VPS13B: variants seen among roughly 807,000 people sequenced by gnomAD.
VPS13B encodes vacuolar protein sorting 13 homolog B, also known as intermembrane lipid transfer protein VPS13B.
A neutral mutation model predicts 426.4 loss-of-function variants in VPS13B; 285 were observed. That is an observed-to-expected ratio of 0.67 (90% CI 0.61 to 0.74). The LOEUF is 0.74. VPS13B is among the 30% of genes least tolerant of loss of function. The pLI, the probability that VPS13B is intolerant of heterozygous loss-of-function variation, is 0.00. For missense variants in VPS13B, 4,537 were observed against 4,782.6 expected, an observed-to-expected ratio of 0.95 and a Z score of 1.51; for synonymous variants, 1,676 against 1,676.4, an observed-to-expected ratio of 1.00 and a Z score of 0.01.
At chr8:99,798,912 G>A (rs878990201) in intron 43 of VPS13B, 1 of 152,088 alleles carries the variant, frequency 6.6e-6, no homozygotes, top group South Asian at 2.1e-4. Context: ...TTAAAGCATG[G>A]TATTTTGCCA....
At chr8:99,418,910 C>T (rs1196329907) in intron 21 of VPS13B, among the ~76,000 whole-genome samples, 4 of 152,210 alleles carry the variant, frequency 2.6e-5, no homozygotes, top group Admixed American at 6.5e-5. Flanking sequence ...CTTAAGCTTT[C>T]TGCAAACTTG....
At chr8:99,719,891 A>C (rs1833068284) in intron 37 of VPS13B, among the ~76,000 whole-genome samples, 1 of 152,146 alleles carries the variant, frequency 6.6e-6, no homozygotes, top group Non-Finnish European at 1.5e-5. Flanking sequence ...TCTCCCTCTA[A>C]AAGTGCAGAG....
At chr8:99,134,562 A>G (rs1188693528) in intron 8 of VPS13B, 70 bp from the exon 9 acceptor site, 2 of 1,264,414 alleles carry the variant, frequency 1.6e-6, no homozygotes, top group Admixed American at 2.0e-5. Flanking sequence ...TAATCAATTA[A>G]TCATCATAAT....
chr8:99,156,765 G>A, intron 15 of VPS13B, 22 bp downstream of exon 15: 1 of 1,613,076 alleles, frequency 6.2e-7, no homozygotes, highest in Admixed American at 1.7e-5. Context: ...GAATTTTCTT[G>A]TTTGTTAGCA....
intron 13 of VPS13B, 21 bp downstream of exon 13, chr8:99,143,186 T>G (rs774226576): frequency 6.2e-7 from 1 of 1,613,634 alleles, no homozygotes; most frequent in East Asian, 2.2e-5. Context: ...GGATTAATTT[T>G]GAATCTTTTG....
intron 33 of VPS13B, among the ~76,000 whole-genome samples, chr8:99,639,580 T>G (rs1298406554): frequency 6.6e-6 from 1 of 151,416 alleles, no homozygotes; most frequent in Non-Finnish European, 1.5e-5. Context: ...AGAATTTTAA[T>G]GAGGATTACC....
intron 5 of VPS13B, among the ~76,000 whole-genome samples, chr8:99,104,136 T>G (rs1314233613): frequency 6.6e-6 from 1 of 152,112 alleles, no homozygotes; most frequent in Non-Finnish European, 1.5e-5. Flanking sequence ...GTACACAACC[T>G]CAGGTATATG....
chr8:99,739,990 G>A (rs969891035), intron 39 of VPS13B, among the ~76,000 whole-genome samples: 1 of 152,196 alleles, frequency 6.6e-6, no homozygotes, highest in Non-Finnish European at 1.5e-5. Context: ...TTGACGAGTT[G>A]AGAGAAGAAG....
chr8:99,496,723 G>A (rs549732997), intron 25 of VPS13B, among the ~76,000 whole-genome samples: 21 of 151,770 alleles, frequency 1.4e-4, no homozygotes, highest in Non-Finnish European at 2.1e-4. Flanking sequence ...ACATACATAC[G>A]TACACAAGTA....
intron 21 of VPS13B, among the ~76,000 whole-genome samples, chr8:99,410,765 C>T (rs1815603909): frequency 6.6e-6 from 1 of 152,046 alleles, no homozygotes; most frequent in Admixed American, 6.6e-5. Flanking sequence ...TCCCAGTGTC[C>T]ATGTGTTCTT....
chr8:99,320,836 T>C (rs1241616770), intron 19 of VPS13B, among the ~76,000 whole-genome samples: 1 of 152,236 alleles, frequency 6.6e-6, no homozygotes, highest in African/African-American at 2.4e-5. Flanking sequence ...ATTTTCTACC[T>C]ACTTTCTCTT....
chr8:99,167,469 A>G (rs1013959248), intron 15 of VPS13B, among the ~76,000 whole-genome samples: 9 of 151,982 alleles, frequency 5.9e-5, no homozygotes, highest in Non-Finnish European at 1.3e-4. Context: ...AACAAAAATT[A>G]TTTATTGTAT....
At chr8:99,804,737 A>C (rs1052641961) in intron 43 of VPS13B, among the ~76,000 whole-genome samples, 25 of 152,304 alleles carry the variant, frequency 1.6e-4, no homozygotes, top group African/African-American at 5.8e-4. Context: ...CATACCTGTA[A>C]TCCTAGCACT....
At chr8:99,437,758 G>A (rs377619413) in intron 22 of VPS13B, among the ~76,000 whole-genome samples, 2 of 151,892 alleles carry the variant, frequency 1.3e-5, no homozygotes, top group East Asian at 3.9e-4. Context: ...TAAACTTTGG[G>A]GGCCTTTTAA....
chr8:99,734,145 T>C (rs1452549237), intron 39 of VPS13B, among the ~76,000 whole-genome samples: 1 of 152,228 alleles, frequency 6.6e-6, no homozygotes, highest in African/African-American at 2.4e-5. Context: ...GACTGGCTTC[T>C]GTCATTTAGC....
chr8:99,469,541 A>G (rs547158878), intron 24 of VPS13B, among the ~76,000 whole-genome samples: 1 of 152,048 alleles, frequency 6.6e-6, no homozygotes, highest in Non-Finnish European at 1.5e-5. Context: ...TTTAATGGCT[A>G]TTTGCCTTTC....
chr8:99,390,874 C>T (rs1373156275), intron 20 of VPS13B, among the ~76,000 whole-genome samples: 1 of 152,176 alleles, frequency 6.6e-6, no homozygotes, highest in Non-Finnish European at 1.5e-5. Context: ...GACTTTATTT[C>T]AGTGAATAAA....
At chr8:99,045,010 A>T (rs954184878) in intron 3 of VPS13B, among the ~76,000 whole-genome samples, 4 of 151,878 alleles carry the variant, frequency 2.6e-5, no homozygotes. Context: ...TGTGTGCTTT[A>T]AACCCATGTG....
At chr8:99,745,639 G>A (rs115592280) in intron 39 of VPS13B, among the ~76,000 whole-genome samples, 253 of 152,054 alleles carry the variant, frequency 1.7e-3, no homozygotes, top group African/African-American at 5.3e-3. Context: ...ATCCACTGGG[G>A]GTCTTGGAAT....
Sources: gnomAD v4.1 joint callset for allele counts (sites outside exome capture counted in the v4.1 genomes callset) on GRCh38, gnomAD v4.1.1 for gene constraint, MANE v1.5 for transcripts, NCBI Gene and HGNC (gene_info 2026-07-23, HGNC 2026-07-21) for gene names.